Variants in NRG3 observed in about 807,000 individuals in gnomAD.
NRG3 encodes neuregulin 3.
In NRG3, 31 loss-of-function variants were observed where a neutral mutation model predicts 66.9. The observed-to-expected ratio is 0.46, with a 90% CI of 0.35 to 0.63. The LOEUF is 0.63. NRG3 is among the 20% of genes least tolerant of loss of function. NRG3 has a pLI of 0.00. For missense variants in NRG3, 910 were observed against 878.9 expected (o/e 1.04, Z -0.45); for synonymous variants, 393 against 359.4 (o/e 1.09, Z -1.06).
At chr10:82,522,031 G>A (rs983259402) in intron 2 of NRG3, among the ~76,000 whole-genome samples, 6 of 144,714 alleles carry the variant, frequency 4.1e-5, no homozygotes, top group African/African-American at 1.0e-4. Context: ...TTACTTTTCC[G>A]CTGAAGTCTT....
At chr10:82,196,132 G>A (rs377641538) in intron 1 of NRG3, among the ~76,000 whole-genome samples, 41 of 152,126 alleles carry the variant, frequency 2.7e-4, no homozygotes, top group African/African-American at 8.7e-4. Flanking sequence ...TCTAAAACCC[G>A]TGCACAGTCA....
chr10:82,080,798 G>A (rs1042147940), intron 1 of NRG3, among the ~76,000 whole-genome samples: 2 of 152,050 alleles, frequency 1.3e-5, no homozygotes, highest in African/African-American at 2.4e-5. Flanking sequence ...AGAGGCATTA[G>A]ATACATTCAC....
intron 1 of NRG3, among the ~76,000 whole-genome samples, chr10:82,172,854 C>T (rs1345077402): frequency 6.6e-6 from 1 of 152,066 alleles, no homozygotes; most frequent in African/African-American, 2.4e-5. Context: ...TCTTTTACAT[C>T]ATTCCCAACA....
chr10:82,345,771 G>T (rs868332921), intron 1 of NRG3, among the ~76,000 whole-genome samples: 1 of 151,722 alleles, frequency 6.6e-6, no homozygotes, highest in South Asian at 2.1e-4. Context: ...CCTTGAAGAG[G>T]TCCTTCACAT....
chr10:82,450,918 T>C (rs944770400), intron 2 of NRG3, among the ~76,000 whole-genome samples: 3 of 152,226 alleles, frequency 2.0e-5, no homozygotes, highest in Non-Finnish European at 4.4e-5. Context: ...TTATATGTTT[T>C]CCCTAGTGTT....
chr10:82,494,141 G>A (rs1843408370), intron 2 of NRG3, among the ~76,000 whole-genome samples: 2 of 152,136 alleles, frequency 1.3e-5, no homozygotes, highest in African/African-American at 2.4e-5. Context: ...ACTATTGGAG[G>A]GAATGTAAAT....
intron 1 of NRG3, among the ~76,000 whole-genome samples, chr10:82,147,852 A>G (rs1324287974): frequency 6.6e-6 from 1 of 152,182 alleles, no homozygotes; most frequent in East Asian, 1.9e-4. Flanking sequence ...CTTCAGAATC[A>G]CTCAATGTTA....
In NRG3 at chr10:82,378,861, G is replaced by A. The variant is rs113014402; in HGVS notation, c.953+19993G>A. Among the ~76,000 whole-genome samples the A allele has an allele frequency of 5.7e-3, 865 of 152,158 alleles. 8 individuals are homozygous for A. The highest frequency in any genetic ancestry group is 0.02 in the African/African-American group (829 of 41,496). On this transcript the variant is annotated intron_variant, in intron 2 of 8. Transcript: ENST00000372141. ...GCTGGGATTACAGGCATGAGCCGCC[G>A]CGCCTGGCTGCTGATGGAATTTTCT...
At chr10:82,314,996 G>T (rs2081221945) in intron 1 of NRG3, among the ~76,000 whole-genome samples, 1 of 152,072 alleles carries the variant, frequency 6.6e-6, no homozygotes, top group Non-Finnish European at 1.5e-5. Flanking sequence ...CTAGCTGAAT[G>T]TATATGTGTG....
chr10:82,010,018 G>A (rs1451443595), intron 1 of NRG3, among the ~76,000 whole-genome samples: 1 of 152,160 alleles, frequency 6.6e-6, no homozygotes, highest in Non-Finnish European at 1.5e-5. Flanking sequence ...AGATAACAAG[G>A]GCTCAGCCTC....
chr10:82,867,010 C>G (rs1840814489), intron 4 of NRG3, among the ~76,000 whole-genome samples: 1 of 151,988 alleles, frequency 6.6e-6, no homozygotes, highest in Admixed American at 6.6e-5. Context: ...CCAAAGTTTC[C>G]CATTAATATG....
At chr10:81,993,806 AAT>A (rs1301276681) in intron 1 of NRG3, among the ~76,000 whole-genome samples, 16 of 152,328 alleles carry the variant, frequency 1.1e-4, no homozygotes, top group African/African-American at 3.8e-4. Flanking sequence ...TTCTGTTTGT[AAT>A]ATGTTTCTCG....
At chr10:82,767,306 G>T (rs965142701) in intron 3 of NRG3, among the ~76,000 whole-genome samples, 2 of 151,924 alleles carry the variant, frequency 1.3e-5, no homozygotes, top group African/African-American at 4.8e-5. Flanking sequence ...CCTGGGTTGC[G>T]TACTTCATTT....
intron 1 of NRG3, among the ~76,000 whole-genome samples, chr10:82,015,719 T>C (rs146771414): frequency 8.5e-5 from 13 of 152,096 alleles, no homozygotes; most frequent in Non-Finnish European, 1.5e-4. Context: ...CAGTTCTTTA[T>C]AGCAGTATGA....
chr10:81,896,732 G>A (rs1271316707), intron 1 of NRG3, among the ~76,000 whole-genome samples: 1 of 150,888 alleles, frequency 6.6e-6, no homozygotes, highest in Non-Finnish European at 1.5e-5. Context: ...GGGGAATGAA[G>A]GTATTCAGAT....
chr10:82,297,375 CA>C (rs1205701912), intron 1 of NRG3, among the ~76,000 whole-genome samples: 1 of 151,910 alleles, frequency 6.6e-6, no homozygotes, highest in Admixed American at 6.6e-5. Context: ...ATACATTTAG[CA>C]GGGCTTGGAG....
At chr10:82,747,623 T>C (rs2058699342) in intron 3 of NRG3, among the ~76,000 whole-genome samples, 1 of 152,082 alleles carries the variant, frequency 6.6e-6, no homozygotes, top group Non-Finnish European at 1.5e-5. Flanking sequence ...GTCAGTTTCA[T>C]TTGTACCTTT....
intron 2 of NRG3, among the ~76,000 whole-genome samples, chr10:82,427,325 G>A (rs72829308): frequency 7.9e-5 from 12 of 152,146 alleles, no homozygotes; most frequent in Admixed American, 2.0e-4. Context: ...TTTCATAAAC[G>A]CTCCTTATGA....
At chr10:82,243,449 AG>A (rs2077090548) in intron 1 of NRG3, among the ~76,000 whole-genome samples, 1 of 152,152 alleles carries the variant, frequency 6.6e-6, no homozygotes, top group Admixed American at 6.5e-5. Flanking sequence ...AATTTTAAAA[AG>A]ACAAGCTGAA....
Sources: allele counts gnomAD v4.1 joint callset (sites outside exome capture counted in the v4.1 genomes callset), GRCh38; gene constraint gnomAD v4.1.1; transcripts MANE v1.5; gene names NCBI Gene and HGNC (gene_info 2026-07-23, HGNC 2026-07-21).